The following STOX2 variants were observed in gnomAD, a reference collection of about 807,000 sequenced individuals.
The protein encoded by STOX2 is storkhead-box protein 2.
A neutral mutation model predicts 60.9 loss-of-function variants in STOX2; 28 were observed. The observed-to-expected ratio is 0.46, with a 90% CI of 0.34 to 0.63. The LOEUF is 0.63. STOX2 is among the 30% of genes least tolerant of loss of function. STOX2 has a pLI of 0.01. For synonymous variants in STOX2, 472 were observed against 463.9 expected, an observed-to-expected ratio of 1.02 and a Z score of -0.22; for missense variants, 1,024 against 1,187.7, an observed-to-expected ratio of 0.86 and a Z score of 2.03.
At chr4:183,958,145 A>G (rs1743307933) in intron 1 of STOX2, among the ~76,000 whole-genome samples, 1 of 152,064 alleles carries the variant, frequency 6.6e-6, no homozygotes, top group South Asian at 2.1e-4. Context: ...AGAACCCAAG[A>G]TCATGAATAA....
intron 1 of STOX2, among the ~76,000 whole-genome samples, chr4:183,880,985 T>C (rs983013897): frequency 2.6e-5 from 4 of 152,210 alleles, no homozygotes; most frequent in Non-Finnish European, 5.9e-5. Flanking sequence ...TCTCATTGGC[T>C]GTGGGAAGAA....
At chr4:183,890,748 G>A (rs943957675) in intron 1 of STOX2, among the ~76,000 whole-genome samples, 3 of 152,154 alleles carry the variant, frequency 2.0e-5, no homozygotes, top group African/African-American at 7.2e-5. Flanking sequence ...AAGAATGCTC[G>A]GAAGGGTAAT....
At position 184,022,634 on chromosome 4, in the gene STOX2, C is replaced by T. The variant is rs932413311; in HGVS notation, c.*5350C>T. On this transcript the variant is annotated 3_prime_UTR_variant, in exon 4 of 4. Coordinates refer to ENST00000308497, the MANE Select transcript of STOX2 (RefSeq NM_020225.3). ...ATGTAAGGTTAGAAGCTTGGCTGGT[C>T]TTAGTAAACTTGTTCCCTTGCTCCC... is the stretch of plus-strand genomic sequence containing the variant. The T allele has an allele frequency of 4.6e-5, 7 of 152,042 alleles. No individual in the cohort carries two copies. Among genetic ancestry groups the T allele is most frequent in the Non-Finnish European group, 1.0e-4 (7 of 68,010 alleles). The allele number at this position is 152,042 out of a possible 1,614,324, so 9.4% of individuals were successfully genotyped here. A position where few individuals can be genotyped will look rare whatever the true frequency, so the allele number is the denominator to read the frequency against.
At chr4:183,853,090 A>C (rs528340558) in intron 1 of STOX2, among the ~76,000 whole-genome samples, 1 of 152,338 alleles carries the variant, frequency 6.6e-6, no homozygotes, top group Admixed American at 6.5e-5. Flanking sequence ...AGACCTCAGC[A>C]ATGGTTCCCA....
chr4:184,006,555 A>G (rs1270357779), intron 2 of STOX2, among the ~76,000 whole-genome samples: 2 of 151,844 alleles, frequency 1.3e-5, no homozygotes, highest in Admixed American at 6.6e-5. Flanking sequence ...TCTACAAAAA[A>G]TATAAAAATT....
chr4:183,875,875 G>A (rs1460101829), intron 1 of STOX2, among the ~76,000 whole-genome samples: 3 of 152,136 alleles, frequency 2.0e-5, no homozygotes, highest in East Asian at 1.9e-4. Flanking sequence ...ATGCCACCAC[G>A]CTGGGCTAAT....
At chr4:183,853,044 T>C (rs1279217211) in intron 1 of STOX2, among the ~76,000 whole-genome samples, 1 of 152,202 alleles carries the variant, frequency 6.6e-6, no homozygotes, top group Non-Finnish European at 1.5e-5. Flanking sequence ...CAGGAACTTT[T>C]CTGGGCAGAG....
At chr4:183,850,634 C>T (rs1389401232) in intron 1 of STOX2, among the ~76,000 whole-genome samples, 1 of 152,048 alleles carries the variant, frequency 6.6e-6, no homozygotes, top group East Asian at 1.9e-4. Context: ...GAGGCTGAGG[C>T]AGGAGGATTG....
At chr4:183,995,851 T>C (rs1733317447) in intron 1 of STOX2, among the ~76,000 whole-genome samples, 1 of 152,132 alleles carries the variant, frequency 6.6e-6, no homozygotes, top group Non-Finnish European at 1.5e-5. Flanking sequence ...CAGTCTCAGC[T>C]CCCCGGGCTG....
At chr4:183,896,722 C>T (rs965219187) in intron 1 of STOX2, among the ~76,000 whole-genome samples, 3 of 152,172 alleles carry the variant, frequency 2.0e-5, no homozygotes, top group Non-Finnish European at 4.4e-5. Context: ...CTGATCTTCA[C>T]GATTTTGTAA....
In STOX2 at chr4:184,021,200, A is replaced by G. The variant is rs1734574097; in HGVS notation, c.*3916A>G. On this transcript the variant is annotated 3_prime_UTR_variant, in exon 4 of 4. Coordinates refer to ENST00000308497, the MANE Select transcript of STOX2 (RefSeq NM_020225.3). ...CACTTTGGGATCTCAAAGTGCTTCC[A>G]AAGCATTCAGATTTACAAACAATTC... 6.6e-6 allele frequency: 1 copy of G among 152,228 alleles called. No individual in the cohort carries two copies. The highest frequency in any genetic ancestry group is 2.1e-4 in the South Asian group (1 of 4,832). The allele number at this position is 152,228 out of a possible 1,614,324, so 9.4% of individuals were successfully genotyped here.
intron 1 of STOX2, among the ~76,000 whole-genome samples, chr4:183,913,479 C>T (rs1156878044): frequency 6.6e-6 from 1 of 151,942 alleles, no homozygotes; most frequent in Non-Finnish European, 1.5e-5. Context: ...GGCCATAGAA[C>T]AGTGTGTCCT....
chr4:183,798,075 G>T, intron 1 of STOX2: 1 of 1,226,338 alleles, frequency 8.2e-7, no homozygotes, highest in Non-Finnish European at 1.0e-6. Context: ...ACCGCCGCGC[G>T]CCCGTCCCGT....
chr4:183,837,166 C>T (rs1056271926), intron 1 of STOX2, among the ~76,000 whole-genome samples: 3 of 152,130 alleles, frequency 2.0e-5, no homozygotes, highest in African/African-American at 7.2e-5. Flanking sequence ...AAGAGCATCC[C>T]AGGCCATTCC....
At chr4:183,846,835 T>C (rs1740001790) in intron 1 of STOX2, among the ~76,000 whole-genome samples, 1 of 152,212 alleles carries the variant, frequency 6.6e-6, no homozygotes, top group African/African-American at 2.4e-5. Context: ...CTTGTAATTT[T>C]TTTTTTGAAA....
intron 1 of STOX2, among the ~76,000 whole-genome samples, chr4:183,894,325 C>T (rs1439652111): frequency 7.2e-5 from 11 of 152,052 alleles, no homozygotes; most frequent in Admixed American, 6.6e-4. Flanking sequence ...AAGATTATTA[C>T]CCATAAGCCT....
intron 1 of STOX2, among the ~76,000 whole-genome samples, chr4:183,863,064 C>T (rs1301725500): frequency 6.6e-6 from 1 of 152,160 alleles, no homozygotes; most frequent in Non-Finnish European, 1.5e-5. Context: ...AGAAACAAGC[C>T]AACTCCTGCA....
chr4:183,880,783 A>G (rs1398663808), intron 1 of STOX2, among the ~76,000 whole-genome samples: 2 of 152,180 alleles, frequency 1.3e-5, no homozygotes, highest in African/African-American at 4.8e-5. Context: ...ACCAACATGA[A>G]ATTTTAGCAT....
chr4:183,950,883 C>T (rs979276321), intron 1 of STOX2, among the ~76,000 whole-genome samples: 4 of 152,150 alleles, frequency 2.6e-5, no homozygotes, highest in African/African-American at 7.2e-5. Flanking sequence ...CAGAAAGCCC[C>T]CACAACCCAC....
Sources: allele counts gnomAD v4.1 joint callset (sites outside exome capture counted in the v4.1 genomes callset), GRCh38; gene constraint gnomAD v4.1.1; transcripts MANE v1.5; gene names NCBI Gene and HGNC (gene_info 2026-07-23, HGNC 2026-07-21).